Variants in TAFA5 observed in about 807,000 individuals in gnomAD.
The protein encoded by TAFA5 is chemokine-like protein TAFA-5.
A neutral mutation model predicts 15.3 loss-of-function variants in TAFA5; 6 were observed. That is an observed-to-expected ratio of 0.39 (90% CI 0.21 to 0.77). TAFA5 has a LOEUF of 0.77. TAFA5 is among the 30% of genes least tolerant of loss of function. The pLI, the probability that TAFA5 is intolerant of heterozygous loss-of-function variation, is 0.41. For synonymous variants in TAFA5, 103 were observed against 80.7 expected, an observed-to-expected ratio of 1.28 and a Z score of -1.48; for missense variants, 161 against 193.1, an observed-to-expected ratio of 0.83 and a Z score of 0.98.
intron 1 of TAFA5, among the ~76,000 whole-genome samples, chr22:48,588,497 G>A (rs1327933037): frequency 6.6e-6 from 1 of 152,222 alleles, no homozygotes; most frequent in Admixed American, 6.5e-5. Flanking sequence ...GTCCCAGGCA[G>A]GGTGGGTGCT....
intron 1 of TAFA5, among the ~76,000 whole-genome samples, chr22:48,578,324 C>T (rs746872545): frequency 2.6e-5 from 4 of 152,220 alleles, no homozygotes; most frequent in Non-Finnish European, 4.4e-5. Context: ...TTCCTTTCTG[C>T]CTCGCCCTGC....
In TAFA5 at chr22:48,751,142, A is replaced by C. The variant is rs771173127; in HGVS notation, c.*1295A>C. 9 of 152,302 alleles carry C rather than the reference A, an allele frequency of 5.9e-5. No homozygotes were observed. Among genetic ancestry groups the C allele is most frequent in the Admixed American group, 1.3e-4 (2 of 15,286 alleles). The allele number at this position is 152,302 out of a possible 1,614,324, so 9.4% of individuals were successfully genotyped here. A position where few individuals can be genotyped will look rare whatever the true frequency, so the allele number is the denominator to read the frequency against. The stretch of plus-strand genomic sequence containing the variant: ...CCCTCTCTGGTCCCTGTATTGGTCA[A>C]CACTTGAGCGTACAATATCTTGAAC... On this transcript the variant is annotated 3_prime_UTR_variant, in exon 4 of 4. Transcript: ENST00000402357.
chr22:48,720,139 C>A (rs552791301), intron 3 of TAFA5, among the ~76,000 whole-genome samples: 1 of 152,150 alleles, frequency 6.6e-6, no homozygotes, highest in African/African-American at 2.4e-5. Flanking sequence ...GGGTCTGTCG[C>A]GAAACCCAGT....
At chr22:48,629,326 C>G (rs1180877780) in intron 1 of TAFA5, among the ~76,000 whole-genome samples, 1 of 152,162 alleles carries the variant, frequency 6.6e-6, no homozygotes, top group African/African-American at 2.4e-5. Flanking sequence ...GGCGGAACAA[C>G]CCAGCGGCCC....
chr22:48,740,473 G>A (rs130222), intron 3 of TAFA5, among the ~76,000 whole-genome samples: 44,219 of 149,760 alleles, frequency 0.3, 7,638 homozygotes, highest in Non-Finnish European at 0.41. Flanking sequence ...TGCTTAGTGA[G>A]CAAAAGTGGG....
At chr22:48,677,762 C>T (rs926232581) in intron 2 of TAFA5, among the ~76,000 whole-genome samples, 6 of 152,130 alleles carry the variant, frequency 3.9e-5, no homozygotes, top group Non-Finnish European at 5.9e-5. Context: ...AGAGTCAGGT[C>T]GGGCGGGCGT....
At chr22:48,510,198 T>C (rs903567530) in intron 1 of TAFA5, among the ~76,000 whole-genome samples, 2 of 152,172 alleles carry the variant, frequency 1.3e-5, no homozygotes, top group Non-Finnish European at 1.5e-5. Flanking sequence ...CAATTGGGAT[T>C]ACACCAAACT....
intron 3 of TAFA5, among the ~76,000 whole-genome samples, chr22:48,729,260 T>TTTATATTTATTTATA (rs1229475484): frequency 2.4e-5 from 2 of 84,590 alleles, no homozygotes; most frequent in African/African-American, 6.9e-5. Flanking sequence ...AAATATATAA[T>TTTATATTTATTTATA]AATTTTATAT....
intron 1 of TAFA5, among the ~76,000 whole-genome samples, chr22:48,589,148 C>T (rs1924468041): frequency 6.6e-6 from 1 of 152,092 alleles, no homozygotes; most frequent in South Asian, 2.1e-4. Flanking sequence ...CGCTGGTTGC[C>T]TTGGGGACAA....
chr22:48,687,944 C>T (rs139102437), intron 2 of TAFA5, among the ~76,000 whole-genome samples: 2,398 of 152,204 alleles, frequency 0.016, 133 homozygotes, highest in Admixed American at 0.11. Context: ...CCTCTCCTGT[C>T]TTCTCTCTTA....
intron 3 of TAFA5, among the ~76,000 whole-genome samples, chr22:48,717,081 T>G (rs1929423171): frequency 6.6e-6 from 1 of 152,074 alleles, no homozygotes; most frequent in African/African-American, 2.4e-5. Flanking sequence ...GCCCAGAAAA[T>G]GAATGAATAC....
At chr22:48,541,360 T>C (rs1352797373) in intron 1 of TAFA5, among the ~76,000 whole-genome samples, 2 of 152,084 alleles carry the variant, frequency 1.3e-5, no homozygotes, top group African/African-American at 4.8e-5. Context: ...CAGAACCCTG[T>C]ACCCTTTGGA....
intron 1 of TAFA5, among the ~76,000 whole-genome samples, chr22:48,574,537 C>T (rs1923693430): frequency 6.6e-6 from 1 of 152,058 alleles, no homozygotes; most frequent in Non-Finnish European, 1.5e-5. Context: ...CAGGGCCAGG[C>T]CTCTTTCCCT....
At chr22:48,688,184 C>A (rs763718620) in intron 2 of TAFA5, among the ~76,000 whole-genome samples, 1 of 151,870 alleles carries the variant, frequency 6.6e-6, no homozygotes, top group Non-Finnish European at 1.5e-5. Context: ...TAAAGGGAGG[C>A]GTTTCCATTC....
Position 48,666,514 on chromosome 22 carries a change from T to A in TAFA5, c.262+19768T>A, listed in dbSNP as rs73433842. On this transcript the variant is annotated intron_variant, in intron 2 of 3. Transcript: ENST00000402357. ...CAATACTGAGGCCCATGACCAGGCGTTACTGAGGCCCGTGACCAGGCAATA... is the reference window on the plus strand; with the variant it reads ...CAATACTGAGGCCCATGACCAGGCGATACTGAGGCCCGTGACCAGGCAATA... Among the ~76,000 whole-genome samples the A allele has an allele frequency of 4.3e-3, 639 of 148,346 alleles. 4 individuals carry two copies. Among genetic ancestry groups the A allele is most frequent in the South Asian group, 8.5e-3 (39 of 4,612 alleles).
chr22:48,495,954 A>C (rs141215399), intron 1 of TAFA5, among the ~76,000 whole-genome samples: 150 of 152,300 alleles, frequency 9.8e-4, no homozygotes, highest in African/African-American at 3.5e-3. Flanking sequence ...GAAGCTTCCC[A>C]GGAAGCTGCT....
At chr22:48,691,725 G>A (rs1242457904) in intron 2 of TAFA5, among the ~76,000 whole-genome samples, 1 of 152,232 alleles carries the variant, frequency 6.6e-6, no homozygotes, top group African/African-American at 2.4e-5. Context: ...GGTCTGCTCA[G>A]GAGGAAGGCC....
intron 1 of TAFA5, among the ~76,000 whole-genome samples, chr22:48,577,492 G>A (rs953964966): frequency 1.3e-5 from 2 of 152,178 alleles, no homozygotes; most frequent in Non-Finnish European, 2.9e-5. Flanking sequence ...ACACAGGCTG[G>A]GCCAGCTCCG....
chr22:48,663,784 C>A (rs1387410616), intron 2 of TAFA5, among the ~76,000 whole-genome samples: 1 of 152,196 alleles, frequency 6.6e-6, no homozygotes, highest in Admixed American at 6.5e-5. Flanking sequence ...CTATTAGTCA[C>A]TAAGTAGCCG....
Sources: gnomAD v4.1 joint callset for allele counts (sites outside exome capture counted in the v4.1 genomes callset) on GRCh38, gnomAD v4.1.1 for gene constraint, MANE v1.5 for transcripts, NCBI Gene and HGNC (gene_info 2026-07-23, HGNC 2026-07-21) for gene names.